Variants in SCHIP1 observed in about 807,000 individuals in gnomAD.
The protein encoded by SCHIP1 is schwannomin interacting protein 1.
SCHIP1 carries 8 observed loss-of-function variants against 29.7 expected under a neutral mutation model. That is an observed-to-expected ratio of 0.27 (90% CI 0.16 to 0.49). The LOEUF is 0.49. SCHIP1 is among the 20% of genes least tolerant of loss of function. The probability of loss-of-function intolerance (pLI) is 0.99; values close to 1 mark genes in which losing one functional copy is unlikely to be tolerated. For synonymous variants in SCHIP1, 76 were observed against 94.9 expected, an observed-to-expected ratio of 0.80 and a Z score of 1.16; for missense variants, 193 against 294.6, an observed-to-expected ratio of 0.66 and a Z score of 2.52.
the SCHIP1 span, among the ~76,000 whole-genome samples, chr3:159,763,219 T>C: frequency 6.7e-6 from 1 of 148,636 alleles, no homozygotes; most frequent in Non-Finnish European, 1.5e-5. Flanking sequence ...AGGAGGAAGG[T>C]GGAAGGGAAA....
chr3:159,783,871 T>C, the SCHIP1 span, among the ~76,000 whole-genome samples: 5 of 152,186 alleles, frequency 3.3e-5, no homozygotes, highest in East Asian at 1.9e-4. Flanking sequence ...GTGATTTACC[T>C]GAAGCTTTAG....
chr3:159,621,926 A>C, the SCHIP1 span, among the ~76,000 whole-genome samples: 1 of 152,172 alleles, frequency 6.6e-6, no homozygotes, highest in Non-Finnish European at 1.5e-5. Flanking sequence ...TCGGCCTCCC[A>C]AAGTGCTGGG....
the SCHIP1 span, among the ~76,000 whole-genome samples, chr3:159,769,006 TA>T: frequency 6.6e-6 from 1 of 152,164 alleles, no homozygotes; most frequent in South Asian, 2.1e-4. Context: ...ACACTCTTAA[TA>T]AATTCAAGGG....
At chr3:159,517,986 C>G in the SCHIP1 span, among the ~76,000 whole-genome samples, 1 of 151,922 alleles carries the variant, frequency 6.6e-6, no homozygotes, top group Non-Finnish European at 1.5e-5. Context: ...GAGAATTAAC[C>G]TAAATATCCA....
the SCHIP1 span, among the ~76,000 whole-genome samples, chr3:159,724,017 T>C: frequency 6.6e-6 from 1 of 152,148 alleles, no homozygotes; most frequent in South Asian, 2.1e-4. Flanking sequence ...CCTGGAAGAG[T>C]TGAACCAGTT....
At chr3:159,763,671 G>A in the SCHIP1 span, 1 of 152,252 alleles carries the variant, frequency 6.6e-6, no homozygotes, top group African/African-American at 2.4e-5. Context: ...CCACCGCCAG[G>A]AGGGCGCGTC....
At chr3:159,432,249 C>T in the SCHIP1 span, among the ~76,000 whole-genome samples, 1 of 148,916 alleles carries the variant, frequency 6.7e-6, no homozygotes, top group Admixed American at 6.8e-5. Flanking sequence ...CTTGAGAGCC[C>T]TCACAACATG....
At chr3:159,727,276 C>T in the SCHIP1 span, among the ~76,000 whole-genome samples, 6 of 152,134 alleles carry the variant, frequency 3.9e-5, no homozygotes, top group African/African-American at 1.4e-4. Context: ...TTTCATGTAT[C>T]CTATTTTATC....
At chr3:159,669,178 T>C in the SCHIP1 span, among the ~76,000 whole-genome samples, 50 of 152,250 alleles carry the variant, frequency 3.3e-4, no homozygotes, top group African/African-American at 8.9e-4. Context: ...CTTGTGGTGG[T>C]GTTGTAAAGG....
At chr3:159,742,094 C>T in the SCHIP1 span, among the ~76,000 whole-genome samples, 4 of 152,004 alleles carry the variant, frequency 2.6e-5, no homozygotes, top group Admixed American at 6.5e-5. Context: ...GGTGTGGTGG[C>T]GGGCGCCTGT....
At chr3:159,333,226 A>G in the SCHIP1 span, among the ~76,000 whole-genome samples, 1 of 152,248 alleles carries the variant, frequency 6.6e-6, no homozygotes, top group Non-Finnish European at 1.5e-5. Context: ...TCAAAGTTGC[A>G]AAGTACATTT....
the SCHIP1 span, among the ~76,000 whole-genome samples, chr3:159,421,414 T>C: frequency 1.3e-5 from 2 of 152,202 alleles, no homozygotes; most frequent in Non-Finnish European, 2.9e-5. Context: ...TGGAGGAGAC[T>C]ATCATATACT....
At chr3:159,288,183 A>C in the SCHIP1 span, among the ~76,000 whole-genome samples, 1 of 152,328 alleles carries the variant, frequency 6.6e-6, no homozygotes, top group African/African-American at 2.4e-5. Context: ...AGGACAGTCT[A>C]TGTGCAGGCT....
intron 1 of SCHIP1, among the ~76,000 whole-genome samples, chr3:159,864,109 G>C (rs755888296): frequency 5.9e-5 from 9 of 152,158 alleles, no homozygotes; most frequent in Non-Finnish European, 1.2e-4. Flanking sequence ...CTGTGATATG[G>C]ATTGAGAAAA....
chr3:159,572,502 T>C, the SCHIP1 span, among the ~76,000 whole-genome samples: 2 of 152,220 alleles, frequency 1.3e-5, no homozygotes, highest in African/African-American at 4.8e-5. Context: ...TGATTTCTGT[T>C]CTTTTACATT....
the SCHIP1 span, among the ~76,000 whole-genome samples, chr3:159,612,945 T>A: frequency 6.6e-6 from 1 of 152,160 alleles, no homozygotes; most frequent in African/African-American, 2.4e-5. Flanking sequence ...TATGATGAGG[T>A]AGATAAGTAT....
the SCHIP1 span, among the ~76,000 whole-genome samples, chr3:159,398,029 G>A: frequency 6.6e-6 from 1 of 152,210 alleles, no homozygotes; most frequent in East Asian, 1.9e-4. Flanking sequence ...ATCTCCTGGT[G>A]TGCTGTTTTT....
At chr3:159,508,314 C>A in the SCHIP1 span, among the ~76,000 whole-genome samples, 2 of 152,126 alleles carry the variant, frequency 1.3e-5, no homozygotes, top group African/African-American at 4.8e-5. Context: ...GTGGTGATAT[C>A]CCCTTTGTCA....
chr3:159,876,521 A>T (rs1216081856), intron 2 of SCHIP1, among the ~76,000 whole-genome samples: 3 of 152,234 alleles, frequency 2.0e-5, no homozygotes, highest in African/African-American at 7.2e-5. Flanking sequence ...GTGCTGCATT[A>T]GTAGGTGCTG....
Sources: allele counts gnomAD v4.1 joint callset (sites outside exome capture counted in the v4.1 genomes callset), GRCh38; gene constraint gnomAD v4.1.1; transcripts MANE v1.5; gene names NCBI Gene and HGNC (gene_info 2026-07-23, HGNC 2026-07-21).